RFTN1: variants seen among roughly 807,000 people sequenced by gnomAD.
RFTN1 encodes the protein raftlin.
Under a neutral mutation model 46.5 loss-of-function variants are expected in RFTN1, and 26 were observed. The ratio of observed to expected loss-of-function variants is 0.56; its 90% CI spans 0.41 to 0.78. The LOEUF (loss-of-function observed/expected upper bound fraction) is 0.78, where lower values mean the gene tolerates loss of function less well. Among genes scored for constraint, RFTN1 ranks in the 30% least tolerant of loss-of-function variants. The pLI is 0.00. For synonymous variants in RFTN1, 261 were observed against 284.2 expected (o/e 0.92, Z 0.82); for missense variants, 693 against 718.7 (o/e 0.96, Z 0.41).
At chr3:16,333,227 G>T (rs2070501314) in intron 7 of RFTN1, among the ~76,000 whole-genome samples, 1 of 152,212 alleles carries the variant, frequency 6.6e-6, no homozygotes. Flanking sequence ...TGTGAAAAAT[G>T]TGGCACTATG....
chr3:16,342,682 C>T lies in RFTN1; in HGVS notation c.1146+15250G>A, dbSNP rs1358670185. Among the ~76,000 whole-genome samples, 1 of 152,182 alleles carries T rather than the reference C, an allele frequency of 6.6e-6. No homozygotes were observed. The highest frequency in any genetic ancestry group is 1.5e-5 in the Non-Finnish European group (1 of 68,034). On this transcript the variant is annotated intron_variant, in intron 7 of 9. Transcript: ENST00000334133. This position sits in a 1 kb window ranked among gnomAD's most constrained non-coding sequence, Gnocchi z 4.0. The stretch of plus-strand genomic sequence containing the variant: ...GGCCTCACTAGACTAGTTCTCAAGC[C>T]TTCTTAAGTCTAATTTGCCAAGCCT...
chr3:16,412,194 A>G (rs1018491302), intron 3 of RFTN1, among the ~76,000 whole-genome samples: 1 of 152,274 alleles, frequency 6.6e-6, no homozygotes, highest in Non-Finnish European at 1.5e-5. Flanking sequence ...AATCTAATGC[A>G]TATTGGGGGA....
At position 16,509,913 on chromosome 3, in the gene RFTN1, A is replaced by G. The variant is rs1204854963; in HGVS notation, c.-9+3529T>C. 6.6e-6 allele frequency among the ~76,000 whole-genome samples: 1 copy of G among 152,226 alleles called. No homozygotes were observed. The highest frequency in any genetic ancestry group is 1.5e-5 in the Non-Finnish European group (1 of 68,042). ...GAGCTGTCTGCCATCTGACTCCTGC[A>G]AAGCTTGGTCAGCCCTGGGACACCT... On this transcript the variant is annotated intron_variant, in intron 1 of 9. Coordinates refer to ENST00000334133, the MANE Select transcript of RFTN1 (RefSeq NM_015150.2). This position sits in a 1 kb window ranked among gnomAD's most constrained non-coding sequence, Gnocchi z 4.9.
chr3:16,335,869 T>C lies in RFTN1; in HGVS notation c.1147-8993A>G, dbSNP rs2070796306. 6.6e-6 allele frequency among the ~76,000 whole-genome samples: 1 copy of C among 150,750 alleles called. No individual in the cohort carries two copies. The highest frequency in any genetic ancestry group is 1.5e-5 in the Non-Finnish European group (1 of 67,896). ...GCCTGGAAACTGGATGGATGGATGGTGAGGTCTCAGGAGGCCACAGGCAGG... is the reference window on the plus strand; with the variant it reads ...GCCTGGAAACTGGATGGATGGATGGCGAGGTCTCAGGAGGCCACAGGCAGG... On this transcript the variant is annotated intron_variant, in intron 7 of 9. Coordinates refer to ENST00000334133, the MANE Select transcript of RFTN1 (RefSeq NM_015150.2). This position sits in a 1 kb window ranked among gnomAD's most constrained non-coding sequence, Gnocchi z 4.7.
intron 4 of RFTN1, among the ~76,000 whole-genome samples, chr3:16,398,107 C>T (rs1438769004): frequency 2.0e-5 from 3 of 151,948 alleles, no homozygotes; most frequent in African/African-American, 7.2e-5. Context: ...ATCAGCTGGG[C>T]GTGGTGGCGG....
Position 16,421,076 on chromosome 3 carries a change from A to T in RFTN1, c.333-11593T>A, listed in dbSNP as rs561403723. Among the ~76,000 whole-genome samples the T allele has an allele frequency of 5.9e-5, 9 of 152,366 alleles. No homozygotes were observed. The South Asian group carries it at 1.0e-3, about 18-fold the overall frequency. On this transcript the variant is annotated intron_variant, in intron 3 of 9. Coordinates refer to ENST00000334133, the MANE Select transcript of RFTN1 (RefSeq NM_015150.2). The surrounding 1 kb of genome is among the most constrained non-coding windows in gnomAD (Gnocchi z 4.6). ...ACAGCGTGCCAGAAAAAAATTCCTG[A>T]GTACCACTGTACTAACATCTTACAT... is the stretch of plus-strand genomic sequence containing the variant.
intron 8 of RFTN1, among the ~76,000 whole-genome samples, chr3:16,324,613 A>AACCCCC (rs1553718056): frequency 2.2e-5 from 2 of 90,798 alleles, no homozygotes; most frequent in African/African-American, 8.9e-5. Context: ...AATGTCCCTG[A>AACCCCC]CCCCCCCCCT....
At position 16,374,780 on chromosome 3, in the gene RFTN1, C is replaced by T. The variant is rs530949806; in HGVS notation, c.826+2938G>A. 1.3e-5 allele frequency among the ~76,000 whole-genome samples: 2 copies of T among 152,236 alleles called. No homozygotes were observed. The highest frequency in any genetic ancestry group is 2.4e-5 in the African/African-American group (1 of 41,530). On this transcript the variant is annotated intron_variant, in intron 5 of 9. Coordinates refer to ENST00000334133, the MANE Select transcript of RFTN1 (RefSeq NM_015150.2). The surrounding 1 kb of genome is among the most constrained non-coding windows in gnomAD (Gnocchi z 5.4). Reference sequence around the variant, plus strand: ...AGGCTCAGGTGATCACGGCACAGCACGGACCTCCAACCAAAAGGAAATTCC... The same window carrying T: ...AGGCTCAGGTGATCACGGCACAGCATGGACCTCCAACCAAAAGGAAATTCC...
chr3:16,475,272 A>G lies in RFTN1; in HGVS notation c.145+18453T>C, dbSNP rs554186321. 1.3e-5 allele frequency among the ~76,000 whole-genome samples: 2 copies of G among 152,320 alleles called. No individual in the cohort carries two copies. The highest frequency in any genetic ancestry group is 4.1e-4 in the South Asian group (2 of 4,824). On this transcript the variant is annotated intron_variant, in intron 2 of 9. Transcript: ENST00000334133. This position sits in a 1 kb window ranked among gnomAD's most constrained non-coding sequence, Gnocchi z 4.2. ...AACTTTTTTTCTTTATAAATTGCCC[A>G]GTTTCAAGTATTCTTTTATGGCAAT...
Position 16,426,009 on chromosome 3 carries a change from C to T in RFTN1, c.332+7842G>A, listed in dbSNP as rs2075283311. On this transcript the variant is annotated intron_variant, in intron 3 of 9. Transcript: ENST00000334133. The surrounding 1 kb of genome is among the most constrained non-coding windows in gnomAD (Gnocchi z 5.9). Reference sequence around the variant, plus strand: ...AATCGGAATCCAAAATAACGACCCACATGCTAAACAAACACCTTCTCATTC... The same window carrying T: ...AATCGGAATCCAAAATAACGACCCATATGCTAAACAAACACCTTCTCATTC... Among the ~76,000 whole-genome samples, 1 of 152,216 alleles carries T rather than the reference C, an allele frequency of 6.6e-6. No homozygotes were observed. Among genetic ancestry groups the T allele is most frequent in the Non-Finnish European group, 1.5e-5 (1 of 68,038 alleles).
intron 6 of RFTN1, among the ~76,000 whole-genome samples, chr3:16,364,931 G>A (rs2073060542): frequency 6.6e-6 from 1 of 152,228 alleles, no homozygotes. Context: ...TCTACGTCTT[G>A]ATCTCTGTGC....
chr3:16,455,690 G>A (rs2075893404), intron 2 of RFTN1, among the ~76,000 whole-genome samples: 1 of 152,212 alleles, frequency 6.6e-6, no homozygotes, highest in East Asian at 1.9e-4. Flanking sequence ...TCAGGACTCA[G>A]AGACACTCTC....
At chr3:16,436,547 T>G (rs778857046) in intron 2 of RFTN1, among the ~76,000 whole-genome samples, 3 of 152,184 alleles carry the variant, frequency 2.0e-5, no homozygotes, top group Non-Finnish European at 2.9e-5. Flanking sequence ...CAGAAAGACC[T>G]GGGATTATAA....
In RFTN1 at chr3:16,378,083, TG is replaced by T; in HGVS notation, c.460del (p.Gln154ArgfsTer3). On this transcript the variant is annotated frameshift_variant, in exon 5 of 10. Transcript: ENST00000334133. LOFTEE classifies it high-confidence loss of function. ...FIKKIQEAASQGLKFVGVIPQ... is the reference protein window; with the variant it reads ...FIKKIQEAASXGLKFVGVIPQ... ...TATAACACCAACGAATTTCAGGCCC[TG>T]GCTTGCAGCCTCCTGGATCTGTGAG... 1.9e-6 allele frequency: 3 copies of T among 1,611,070 alleles called. No homozygotes were observed. The highest frequency in any genetic ancestry group is 2.5e-6 in the Non-Finnish European group (3 of 1,177,256).
In RFTN1 at chr3:16,480,352, G is replaced by C. The variant is rs1161561026; in HGVS notation, c.145+13373C>G. Among the ~76,000 whole-genome samples, 1 of 152,150 alleles carries C rather than the reference G, an allele frequency of 6.6e-6. No homozygotes were observed. The highest frequency in any genetic ancestry group is 2.4e-5 in the African/African-American group (1 of 41,404). On this transcript the variant is annotated intron_variant, in intron 2 of 9. Coordinates refer to ENST00000334133, the MANE Select transcript of RFTN1 (RefSeq NM_015150.2). The surrounding 1 kb of genome is among the most constrained non-coding windows in gnomAD (Gnocchi z 4.3). The stretch of plus-strand genomic sequence containing the variant: ...CCCTCTTTTAAGAGGGCCCAATGAG[G>C]CTGTCAAACTAATGTGTACTCCTCC...
chr3:16,502,665 G>GATGA (rs2076732056), intron 1 of RFTN1, among the ~76,000 whole-genome samples: 1 of 152,242 alleles, frequency 6.6e-6, no homozygotes, highest in Admixed American at 6.5e-5. Context: ...CTATCAGCAG[G>GATGA]ATGAAGTTCC....
At position 16,483,222 on chromosome 3, in the gene RFTN1, T is replaced by C. The variant is rs1158369332; in HGVS notation, c.145+10503A>G. 6.6e-6 allele frequency among the ~76,000 whole-genome samples: 1 copy of C among 152,204 alleles called. No individual in the cohort carries two copies. The highest frequency in any genetic ancestry group is 2.4e-5 in the African/African-American group (1 of 41,452). On this transcript the variant is annotated intron_variant, in intron 2 of 9. Transcript: ENST00000334133. The surrounding 1 kb of genome is among the most constrained non-coding windows in gnomAD (Gnocchi z 4.8). Reference sequence around the variant, plus strand: ...ACACTTCAGAGTACTTGAGGCTCTATCTAAAGGAACCCCATGGTGAAACCC... The same window carrying C: ...ACACTTCAGAGTACTTGAGGCTCTACCTAAAGGAACCCCATGGTGAAACCC...
rs1212898210 is a variant in RFTN1, at chr3:16,507,841, A to G, written c.-9+5601T>C. Among the ~76,000 whole-genome samples the G allele has an allele frequency of 6.6e-6, 1 of 152,032 alleles. No homozygotes were observed. The highest frequency in any genetic ancestry group is 1.5e-5 in the Non-Finnish European group (1 of 67,994). On this transcript the variant is annotated intron_variant, in intron 1 of 9. Transcript: ENST00000334133. The surrounding 1 kb of genome is among the most constrained non-coding windows in gnomAD (Gnocchi z 7.1). Reference sequence around the variant, plus strand: ...TACATACATACACACACACACACATACACACATATATATACACACACACAT... The same window carrying G: ...TACATACATACACACACACACACATGCACACATATATATACACACACACAT...
In RFTN1 at chr3:16,337,419, C is replaced by G. The variant is rs2125274118; in HGVS notation, c.1147-10543G>C. ...TCTAAGAACCAAATACCAGGCAAAC[C>G]TCTAGGAGGAAAATTGTAATGAAAG... On this transcript the variant is annotated intron_variant, in intron 7 of 9. Coordinates refer to ENST00000334133, the MANE Select transcript of RFTN1 (RefSeq NM_015150.2). This position sits in a 1 kb window ranked among gnomAD's most constrained non-coding sequence, Gnocchi z 5.0. The G allele has an allele frequency of 6.6e-6, 1 of 152,218 alleles. No homozygotes were observed. Among genetic ancestry groups the G allele is most frequent in the East Asian group, 1.9e-4 (1 of 5,190 alleles). 9.4% of individuals were successfully genotyped at this position (152,218 alleles called of 1,614,324 possible). A position where few individuals can be genotyped will look rare whatever the true frequency, so the allele number is the denominator to read the frequency against.
Sources: allele counts gnomAD v4.1 joint callset (sites outside exome capture counted in the v4.1 genomes callset), GRCh38; gene constraint gnomAD v4.1.1; non-coding constraint Gnocchi (gnomAD v3.1); transcripts MANE v1.5; gene names NCBI Gene and HGNC (gene_info 2026-07-23, HGNC 2026-07-21).